Variants in HAS3 observed in about 807,000 individuals in gnomAD.
HAS3 encodes HA synthase 3.
In HAS3, 27 loss-of-function variants were observed where a neutral mutation model predicts 50.3. That is an observed-to-expected ratio of 0.54 (90% CI 0.40 to 0.74). The LOEUF is 0.74. Among genes scored for constraint, HAS3 ranks in the 30% least tolerant of loss-of-function variants. The pLI, the probability that HAS3 is intolerant of heterozygous loss-of-function variation, is 0.00. For synonymous variants in HAS3, 339 were observed against 310.9 expected (o/e 1.09, Z -0.95); for missense variants, 517 against 742.8 (o/e 0.70, Z 3.53).
rs772510626 is a variant in HAS3 at position 69,117,384 on chromosome 16, G to T, written c.*2118G>T. The T allele has an allele frequency of 1.0e-6, 1 of 985,610 alleles. No homozygotes were observed. The highest frequency in any genetic ancestry group is 1.2e-6 in the Non-Finnish European group (1 of 829,900). 61.1% of individuals were successfully genotyped at this position (985,610 alleles called of 1,614,324 possible). ...TAGTGGGCTCACAACGTTTGACCTC[G>T]ACTGGTTTTTCTAAGTTATTTTGTA... On this transcript the variant is annotated 3_prime_UTR_variant, in exon 4 of 4. Coordinates refer to ENST00000569188, the MANE Select transcript of HAS3 (RefSeq NM_001199280.2).
the HAS3 span, among the ~76,000 whole-genome samples, chr16:69,089,782 G>A: frequency 6.6e-6 from 1 of 152,194 alleles, no homozygotes; most frequent in South Asian, 2.1e-4. Context: ...GTCCTCCCCA[G>A]TTCTTCATAG....
downstream of HAS3, chr16:69,118,469 T>C: frequency 1.3e-6 from 2 of 1,540,552 alleles, no homozygotes; most frequent in South Asian, 2.2e-5. Context: ...GTGAGCTGAT[T>C]CTCCAATGGT....
In HAS3 at chr16:69,117,069, G is replaced by C; in HGVS notation, c.*1803G>C. 1 of 985,662 alleles carries C rather than the reference G, an allele frequency of 1.0e-6. No homozygotes were observed. Among genetic ancestry groups the C allele is most frequent in the Non-Finnish European group, 1.2e-6 (1 of 829,926 alleles). 61.1% of individuals were successfully genotyped at this position (985,662 alleles called of 1,614,324 possible). A position where few individuals can be genotyped will look rare whatever the true frequency, so the allele number is the denominator to read the frequency against. ...ACCTCGAGTTTCTGGTAAGACTGCT[G>C]GTTGACATCAGACCCAACCCATGAA... On this transcript the variant is annotated 3_prime_UTR_variant, in exon 4 of 4. Coordinates refer to ENST00000569188, the MANE Select transcript of HAS3 (RefSeq NM_001199280.2).
chr16:69,088,022 C>T, the HAS3 span, among the ~76,000 whole-genome samples: 2 of 151,972 alleles, frequency 1.3e-5, no homozygotes, highest in Non-Finnish European at 2.9e-5. Flanking sequence ...GTTTGTTCAC[C>T]CCTCTCCTCC....
At chr16:69,083,800 A>T in the HAS3 span, 2 of 914,442 alleles carry the variant, frequency 2.2e-6, no homozygotes, top group African/African-American at 3.4e-5. Context: ...GGTGCAGGTC[A>T]CTTGGGTCTT....
chr16:69,100,793 T>G (rs1221842848), upstream of HAS3, among the ~76,000 whole-genome samples: 1 of 152,212 alleles, frequency 6.6e-6, no homozygotes, highest in Non-Finnish European at 1.5e-5. Context: ...TGTGGAACTG[T>G]CAGCTTCAGT....
rs1389244704 is a variant in HAS3 at position 69,106,827 on chromosome 16, CAAG to C, written c.-1+1042_-1+1044del. On this transcript the variant is annotated intron_variant, in intron 1 of 3. Transcript: ENST00000569188. The surrounding 1 kb of genome is among the most constrained non-coding windows in gnomAD (Gnocchi z 5.5). ...GAGGGGCCCGGAGGGCGGCCGGGCA[CAAG>C]AGGAGGAGCCCCGTTGGGCGCACAA... 6.6e-6 allele frequency: 1 copy of C among 152,156 alleles called. No homozygotes were observed. The highest frequency in any genetic ancestry group is 2.4e-5 in the African/African-American group (1 of 41,448). 9.4% of individuals were successfully genotyped at this position (152,156 alleles called of 1,614,324 possible).
chr16:69,114,837 C>A lies in HAS3; in HGVS notation c.1233C>A (p.Leu411=), dbSNP rs2232231. The A allele has an allele frequency of 2.5e-5, 41 of 1,614,054 alleles. 1 individual carries two copies. The highest frequency in any genetic ancestry group is 1.6e-4 in the Middle Eastern group (1 of 6,084). ...GGGGCCGCATCTGGAACATTCTCCT[C>A]TTCCTGCTGACGGTGCAGCTGGTGG... The part of the protein sequence containing the change: ...FYRGRIWNIL[L]FLLTVQLVGI... Residue 411 remains leucine (L), a synonymous_variant, in exon 4 of 4, where the codon CTC becomes CTA. Coordinates refer to ENST00000569188, the MANE Select transcript of HAS3 (RefSeq NM_001199280.2). This position sits in a 1 kb window ranked among gnomAD's most constrained non-coding sequence, Gnocchi z 6.4.
At chr16:69,101,592 C>T (rs1422274747), upstream of HAS3, among the ~76,000 whole-genome samples, 2 of 152,130 alleles carry the variant, frequency 1.3e-5, no homozygotes, top group African/African-American at 4.8e-5. Flanking sequence ...CCCATTCCTA[C>T]ACCTGGTCTT....
chr16:69,096,304 G>A, the HAS3 span, among the ~76,000 whole-genome samples: 1 of 150,526 alleles, frequency 6.6e-6, no homozygotes, highest in Non-Finnish European at 1.5e-5. Flanking sequence ...GGTGAGGCAG[G>A]TGGATCACTT....
Position 69,116,295 on chromosome 16 carries a change from C to G in HAS3, c.*1029C>G, listed in dbSNP as rs372847130. ...CAAGGTGGCAATTGGGGCGGAGCCC[C>G]GGCTCTTATAGAAGCTTCAGCAGGA... On this transcript the variant is annotated 3_prime_UTR_variant, in exon 4 of 4. Transcript: ENST00000569188. 1 of 985,648 alleles carries G rather than the reference C, an allele frequency of 1.0e-6. No homozygotes were observed. Among genetic ancestry groups the G allele is most frequent in the African/African-American group, 1.7e-5 (1 of 57,266 alleles). 61.1% of individuals were successfully genotyped at this position (985,648 alleles called of 1,614,324 possible).
chr16:69,102,728 C>A (rs961610132), upstream of HAS3, among the ~76,000 whole-genome samples: 1 of 152,162 alleles, frequency 6.6e-6, no homozygotes, highest in African/African-American at 2.4e-5. Flanking sequence ...CCAGCCCCAC[C>A]ACCTGGAAAA....
At chr16:69,087,598 C>T in the HAS3 span, among the ~76,000 whole-genome samples, 1 of 151,556 alleles carries the variant, frequency 6.6e-6, no homozygotes, top group Non-Finnish European at 1.5e-5. Flanking sequence ...CAGGGTTTCA[C>T]CTTCTTGGCC....
At chr16:69,102,993 T>C (rs1485246359), upstream of HAS3, among the ~76,000 whole-genome samples, 1 of 143,388 alleles carries the variant, frequency 7.0e-6, no homozygotes, top group Non-Finnish European at 1.5e-5. Flanking sequence ...GTCTGGCCTG[T>C]GGAGTGTGCA....
chr16:69,113,662 G>C (rs545501610), intron 3 of HAS3, 120 bp downstream of exon 3: 3 of 630,830 alleles, frequency 4.8e-6, no homozygotes, highest in Non-Finnish European at 5.6e-6. Flanking sequence ...TTCCTCGCTG[G>C]CAGTTTTCAC....
Position 69,116,478 on chromosome 16 carries a change from C to T in HAS3, c.*1212C>T. Reference sequence around the variant, plus strand: ...CAATCATCTCCAATGGAAAGCTTTTCAGTGTTCCCAAAGTGAACTCTCAAA... The same window carrying T: ...CAATCATCTCCAATGGAAAGCTTTTTAGTGTTCCCAAAGTGAACTCTCAAA... On this transcript the variant is annotated 3_prime_UTR_variant, in exon 4 of 4. Transcript: ENST00000569188. The T allele has an allele frequency of 1.0e-6, 1 of 985,884 alleles. No homozygotes were observed. The highest frequency in any genetic ancestry group is 1.2e-6 in the Non-Finnish European group (1 of 829,930). The allele number at this position is 985,884 out of a possible 1,614,324, so 61.1% of individuals were successfully genotyped here.
In HAS3 at chr16:69,116,361, C is replaced by T; in HGVS notation, c.*1095C>T. 3 of 985,566 alleles carry T rather than the reference C, an allele frequency of 3.0e-6. No individual in the cohort carries two copies. The highest frequency in any genetic ancestry group is 3.6e-6 in the Non-Finnish European group (3 of 829,740). The allele number at this position is 985,566 out of a possible 1,614,324, so 61.1% of individuals were successfully genotyped here. A position where few individuals can be genotyped will look rare whatever the true frequency, so the allele number is the denominator to read the frequency against. Reference sequence around the variant, plus strand: ...AGCACATATGGGAACTATGAGGAGCCTCTGATCAAATTGGCTACAATCTTG... The same window carrying T: ...AGCACATATGGGAACTATGAGGAGCTTCTGATCAAATTGGCTACAATCTTG... On this transcript the variant is annotated 3_prime_UTR_variant, in exon 4 of 4. Transcript: ENST00000569188.
At position 69,106,205 on chromosome 16, in the gene HAS3, T is replaced by C. The variant is rs997678435; in HGVS notation, c.-1+418T>C. 2.0e-5 allele frequency: 3 copies of C among 152,358 alleles called. No homozygotes were observed. Among genetic ancestry groups the C allele is most frequent in the Non-Finnish European group, 2.9e-5 (2 of 68,434 alleles). 9.4% of individuals were successfully genotyped at this position (152,358 alleles called of 1,614,324 possible). On this transcript the variant is annotated intron_variant, in intron 1 of 3. Transcript: ENST00000569188. This position sits in a 1 kb window ranked among gnomAD's most constrained non-coding sequence, Gnocchi z 5.5. Reference sequence around the variant, plus strand: ...CACGCGCCGGGTACTTAAGGGCGGCTCGGCTGGGCAGGCGGCAGTCGGAGC... The same window carrying C: ...CACGCGCCGGGTACTTAAGGGCGGCCCGGCTGGGCAGGCGGCAGTCGGAGC...
Position 69,109,521 on chromosome 16 carries a change from C to A in HAS3, c.126C>A (p.Tyr42Ter). ...AGTTCATCCACACGGAAAAGCACTACCTGTCCTTCGGCCTGTACGGCGCCA... is the reference window on the plus strand; with the variant it reads ...AGTTCATCCACACGGAAAAGCACTAACTGTCCTTCGGCCTGTACGGCGCCA... ...GYQFIHTEKHYLSFGLYGAIL... is the reference protein window; with the variant it reads ...GYQFIHTEKH Residue 42 changes from tyrosine to a stop codon, truncating the protein, a stop_gained, in exon 2 of 4, where the codon TAC (tyrosine) becomes TAA (stop). Coordinates refer to ENST00000569188, the MANE Select transcript of HAS3 (RefSeq NM_001199280.2). LOFTEE classifies it high-confidence loss of function. This position sits in a 1 kb window ranked among gnomAD's most constrained non-coding sequence, Gnocchi z 5.3. 1 of 1,614,072 alleles carries A rather than the reference C, an allele frequency of 6.2e-7. No individual in the cohort carries two copies. Among genetic ancestry groups the A allele is most frequent in the Non-Finnish European group, 8.5e-7 (1 of 1,180,036 alleles).
Sources: gnomAD v4.1 joint callset for allele counts (sites outside exome capture counted in the v4.1 genomes callset) on GRCh38, gnomAD v4.1.1 for gene constraint, Gnocchi (gnomAD v3.1) non-coding constraint, MANE v1.5 for transcripts, NCBI Gene and HGNC (gene_info 2026-07-23, HGNC 2026-07-21) for gene names.